AEBP2: variants seen among roughly 807,000 people sequenced by gnomAD.
AEBP2 encodes AE binding protein 2, also known as zinc finger protein AEBP2.
AEBP2 carries 10 observed loss-of-function variants against 50.8 expected under a neutral mutation model. The ratio of observed to expected loss-of-function variants is 0.20; its 90% confidence interval spans 0.12 to 0.33. The LOEUF (loss-of-function observed/expected upper bound fraction) is 0.33. Among genes scored for constraint, AEBP2 ranks in the 10% least tolerant of loss-of-function variants. The pLI is 1.00. For missense variants in AEBP2, 570 were observed against 688.0 expected (o/e 0.83, Z 1.92); for synonymous variants, 296 against 261.3 (o/e 1.13, Z -1.28).
At position 19,518,115 on chromosome 12, in the gene AEBP2, T is replaced by TAA; in HGVS notation, c.*3_*4dup. ...RTMPQKRLKR[*] The stretch of plus-strand genomic sequence containing the variant: ...AATGCCGCAGAAGAGGTTGAAGAGG[T>TAA]AAAAAATAAATAAATACATAAAAAG... Residue 504 remains the stop codon, a frameshift_variant and stop_retained_variant, in exon 8 of 8, where the codon TAA becomes TAAAA. Transcript: ENST00000266508. LOFTEE classifies it high-confidence loss of function. 6.3e-7 allele frequency: 1 copy of TAA among 1,596,024 alleles called. No homozygotes were observed.
rs545859900 is a variant in AEBP2 at position 19,474,829 on chromosome 12, G to T, written c.987+1474G>T. ...CCCCCTCAAGATGGAGTCTTGCTCT[G>T]TTGCCCGGGCTGGGGTACAGTGGCA... On this transcript the variant is annotated intron_variant, in intron 3 of 7. Transcript: ENST00000266508. Among the ~76,000 whole-genome samples, 14 of 150,752 alleles carry T rather than the reference G, an allele frequency of 9.3e-5. 1 individual carries two copies. In the South Asian group the frequency reaches 2.5e-3, roughly 27 times the overall value.
At chr12:19,473,754 A>C (rs1168660985) in intron 3 of AEBP2, among the ~76,000 whole-genome samples, 1 of 151,952 alleles carries the variant, frequency 6.6e-6, no homozygotes, top group East Asian at 1.9e-4. Context: ...CCTAATAGGC[A>C]TAATTAAAAG....
intron 2 of AEBP2, among the ~76,000 whole-genome samples, chr12:19,471,078 A>C (rs1340661844): frequency 6.6e-6 from 1 of 152,132 alleles, no homozygotes; most frequent in Admixed American, 6.6e-5. Context: ...CCTCTTTGTT[A>C]CTTGGATTGC....
chr12:19,446,259 G>A, intron 1 of AEBP2, among the ~76,000 whole-genome samples: 1 of 152,184 alleles, frequency 6.6e-6, no homozygotes, highest in East Asian at 1.9e-4. Context: ...TTTTTAAAGA[G>A]CAGGCTAAAG....
In AEBP2 at chr12:19,512,485, T is replaced by C. The variant is rs377146349; in HGVS notation, c.1367+20T>C. 35 of 1,450,502 alleles carry C rather than the reference T, an allele frequency of 2.4e-5. No homozygotes were observed. Among genetic ancestry groups the C allele is most frequent in the Non-Finnish European group, 3.3e-5 (35 of 1,065,220 alleles). 89.9% of individuals were successfully genotyped at this position (1,450,502 alleles called of 1,614,324 possible). A position where few individuals can be genotyped will look rare whatever the true frequency, so the allele number is the denominator to read the frequency against. ...AGACATGTAAGTATTTGAAATATTA[T>C]GCCTTAGTAATAAGTTCATGTTTTA... On this transcript the variant is annotated intron_variant, in intron 6 of 7. Transcript: ENST00000266508.
At chr12:19,445,063 A>G (rs770834760) in intron 1 of AEBP2, among the ~76,000 whole-genome samples, 8 of 151,888 alleles carry the variant, frequency 5.3e-5, no homozygotes, top group Non-Finnish European at 1.0e-4. Flanking sequence ...TCTCTTGTCT[A>G]TGAAAGGGGG....
At chr12:19,436,694 T>C (rs1050666212), upstream of AEBP2, among the ~76,000 whole-genome samples, 1 of 151,752 alleles carries the variant, frequency 6.6e-6, no homozygotes. Flanking sequence ...TGGCTCAAGC[T>C]GTCCTCCCAC....
chr12:19,500,076 A>G (rs1203743221), intron 4 of AEBP2, 21 bp from the exon 5 acceptor site: 1 of 1,587,572 alleles, frequency 6.3e-7, no homozygotes, highest in Non-Finnish European at 8.6e-7. Context: ...AATATTCTTT[A>G]CTTTTTATGT....
upstream of AEBP2, among the ~76,000 whole-genome samples, chr12:19,438,138 A>C (rs1947880589): frequency 6.6e-6 from 1 of 152,208 alleles, no homozygotes; most frequent in African/African-American, 2.4e-5. Flanking sequence ...CCTCCAGGAC[A>C]CCAAAGAAAG....
chr12:19,443,476 T>C (rs927937406), intron 1 of AEBP2, among the ~76,000 whole-genome samples: 1 of 150,620 alleles, frequency 6.6e-6, no homozygotes, highest in Non-Finnish European at 1.5e-5. Flanking sequence ...CCCAGCACTT[T>C]GGGAGGCCGA....
At chr12:19,477,059 TA>T (rs1200616868) in intron 3 of AEBP2, among the ~76,000 whole-genome samples, 13 of 152,194 alleles carry the variant, frequency 8.5e-5, no homozygotes, top group African/African-American at 3.1e-4. Flanking sequence ...CTAAGTATTT[TA>T]TTTTTTTGTA....
chr12:19,468,123 A>G (rs1350896761), intron 2 of AEBP2, among the ~76,000 whole-genome samples: 1 of 41,418 alleles, frequency 2.4e-5, no homozygotes, highest in African/African-American at 8.2e-5. Flanking sequence ...CCTCTGCCTG[A>G]CTTTGTGTGT....
At chr12:19,453,445 A>T (rs1391932257) in intron 1 of AEBP2, among the ~76,000 whole-genome samples, 43 of 143,006 alleles carry the variant, frequency 3.0e-4, no homozygotes, top group African/African-American at 1.1e-3. Flanking sequence ...TTTGAGAAGG[A>T]GTCTTGCTCT....
chr12:19,407,893 A>G (rs1020309919), intron 1 of AEBP2, among the ~76,000 whole-genome samples: 9 of 151,986 alleles, frequency 5.9e-5, no homozygotes, highest in African/African-American at 2.4e-5. Flanking sequence ...TACTGAAAAT[A>G]CAAAAAACTT....
chr12:19,441,164 A>G (rs185675278), intron 1 of AEBP2, among the ~76,000 whole-genome samples: 1 of 152,226 alleles, frequency 6.6e-6, no homozygotes, highest in Non-Finnish European at 1.5e-5. Context: ...ATGATTTTAA[A>G]TGATAATATT....
intron 1 of AEBP2, among the ~76,000 whole-genome samples, chr12:19,450,055 T>C (rs1250282275): frequency 6.6e-6 from 1 of 152,176 alleles, no homozygotes; most frequent in Non-Finnish European, 1.5e-5. Flanking sequence ...TTTTTTTTCC[T>C]AACTGAGTTT....
chr12:19,470,411 C>T (rs1565718875), intron 2 of AEBP2, among the ~76,000 whole-genome samples: 1 of 152,166 alleles, frequency 6.6e-6, no homozygotes, highest in Non-Finnish European at 1.5e-5. Flanking sequence ...CCCACCTCGG[C>T]CTCCTAAAGT....
rs138195492 is a variant in AEBP2, at chr12:19,486,742, A to G, written c.988-7058A>G. Among the ~76,000 whole-genome samples, 10 of 152,060 alleles carry G rather than the reference A, an allele frequency of 6.6e-5. No homozygotes were observed. In the East Asian group the frequency reaches 1.2e-3, roughly 18 times the overall value. On this transcript the variant is annotated intron_variant, in intron 3 of 7. Coordinates refer to ENST00000266508, the MANE Select transcript of AEBP2 (RefSeq NM_153207.5). ...ACATTCCTTTACATGTCCTCTAATT[A>G]CACACACATATTCATTCCTCTTAAC...
At chr12:19,441,427 C>G (rs1027332015) in intron 1 of AEBP2, among the ~76,000 whole-genome samples, 1 of 152,092 alleles carries the variant, frequency 6.6e-6, no homozygotes, top group African/African-American at 2.4e-5. Flanking sequence ...TTTATTTTGA[C>G]CATCTATGTT....
Sources: gnomAD v4.1 joint callset for allele counts (sites outside exome capture counted in the v4.1 genomes callset) on GRCh38, gnomAD v4.1.1 for gene constraint, MANE v1.5 for transcripts, NCBI Gene and HGNC (gene_info 2026-07-23, HGNC 2026-07-21) for gene names.